PID1: variants seen among roughly 807,000 people sequenced by gnomAD.
PID1 encodes the protein PTB-containing, cubilin and LRP1-interacting protein.
PID1 carries 10 observed loss-of-function variants against 19.1 expected under a neutral mutation model. The ratio of observed to expected loss-of-function variants is 0.52; its 90% CI spans 0.32 to 0.89. The LOEUF is 0.89. PID1 is among the 40% of genes least tolerant of loss of function. The pLI, the probability that PID1 is intolerant of heterozygous loss-of-function variation, is 0.03. For missense variants in PID1, 248 were observed against 285.3 expected, an observed-to-expected ratio of 0.87 and a Z score of 0.94; for synonymous variants, 130 against 116.0, an observed-to-expected ratio of 1.12 and a Z score of -0.78.
chr2:229,199,465 C>A (rs2106238810), intron 1 of PID1, among the ~76,000 whole-genome samples: 1 of 152,088 alleles, frequency 6.6e-6, no homozygotes, highest in East Asian at 1.9e-4. Flanking sequence ...GTACCTAGAG[C>A]AGTATCTGGC....
chr2:229,242,142 G>A (rs2106276951), intron 1 of PID1, among the ~76,000 whole-genome samples: 1 of 152,256 alleles, frequency 6.6e-6, no homozygotes, highest in South Asian at 2.1e-4. Context: ...AAGTAGCTGA[G>A]ATTACAGGTG....
At position 229,221,744 on chromosome 2, in the gene PID1, C is replaced by T. The variant is rs143880651; in HGVS notation, c.30+49270G>A. Among the ~76,000 whole-genome samples, 4 of 152,336 alleles carry T rather than the reference C, an allele frequency of 2.6e-5. No homozygotes were observed. The East Asian group carries it at 7.7e-4, about 29-fold the overall frequency. ...TTCCAACTGTCTCTTGGAAGAAACA[C>T]AGGATGCCTCTTGATGACCTGACTC... On this transcript the variant is annotated intron_variant, in intron 1 of 2. Coordinates refer to ENST00000392055, the MANE Select transcript of PID1 (RefSeq NM_001100818.2).
chr2:229,183,540 A>G (rs971524570), intron 1 of PID1, among the ~76,000 whole-genome samples: 1 of 152,136 alleles, frequency 6.6e-6, no homozygotes, highest in Non-Finnish European at 1.5e-5. Flanking sequence ...CAATTAGTTG[A>G]AGGCCTAAAT....
intron 2 of PID1, among the ~76,000 whole-genome samples, chr2:229,115,041 C>G (rs987847249): frequency 1.3e-5 from 2 of 152,026 alleles, no homozygotes; most frequent in Admixed American, 6.5e-5. Flanking sequence ...AATAGAATAC[C>G]TGAAATTCAT....
At chr2:229,157,326 A>T (rs1466985945) in intron 1 of PID1, among the ~76,000 whole-genome samples, 1 of 152,046 alleles carries the variant, frequency 6.6e-6, no homozygotes, top group Non-Finnish European at 1.5e-5. Flanking sequence ...GCTACTTGGG[A>T]AGCTGAGGCA....
chr2:229,204,222 T>C (rs980759146), intron 1 of PID1, among the ~76,000 whole-genome samples: 1 of 152,040 alleles, frequency 6.6e-6, no homozygotes, highest in African/African-American at 2.4e-5. Flanking sequence ...GGGAGGAAAC[T>C]ATAGTTTATA....
intron 1 of PID1, among the ~76,000 whole-genome samples, chr2:229,240,249 A>G (rs1014074875): frequency 2.0e-5 from 3 of 152,178 alleles, no homozygotes; most frequent in Non-Finnish European, 2.9e-5. Context: ...TAGTATTTCC[A>G]GACGTGTTTT....
At chr2:229,237,903 A>T (rs1689756952) in intron 1 of PID1, among the ~76,000 whole-genome samples, 1 of 152,308 alleles carries the variant, frequency 6.6e-6, no homozygotes, top group East Asian at 1.9e-4. Flanking sequence ...ACAGACACAT[A>T]ACAAAATTAA....
chr2:229,199,741 T>C (rs1336264293), intron 1 of PID1, among the ~76,000 whole-genome samples: 4 of 134,116 alleles, frequency 3.0e-5, no homozygotes, highest in African/African-American at 8.2e-5. Flanking sequence ...TATATATATA[T>C]ATATACACAT....
At chr2:229,161,136 G>C (rs979291882) in intron 1 of PID1, among the ~76,000 whole-genome samples, 1 of 152,196 alleles carries the variant, frequency 6.6e-6, no homozygotes, top group Non-Finnish European at 1.5e-5. Flanking sequence ...CATTGGTTCA[G>C]AGGAAACTCA....
At chr2:229,250,094 A>T (rs949578970) in intron 1 of PID1, among the ~76,000 whole-genome samples, 3 of 152,220 alleles carry the variant, frequency 2.0e-5, no homozygotes, top group Non-Finnish European at 4.4e-5. Context: ...CTAATCACTG[A>T]TATTTGAGTT....
intron 1 of PID1, among the ~76,000 whole-genome samples, chr2:229,166,486 C>G (rs1289524628): frequency 6.6e-6 from 1 of 152,074 alleles, no homozygotes; most frequent in African/African-American, 2.4e-5. Flanking sequence ...AGTAATATGG[C>G]CCTTTAATTC....
chr2:229,050,524 G>A (rs1156443643), intron 2 of PID1, among the ~76,000 whole-genome samples: 1 of 152,180 alleles, frequency 6.6e-6, no homozygotes, highest in Non-Finnish European at 1.5e-5. Context: ...CTTCCCAAAT[G>A]TTTACATGAT....
At chr2:229,045,549 G>A (rs1326314) in intron 2 of PID1, among the ~76,000 whole-genome samples, 81,207 of 151,372 alleles carry the variant, frequency 0.54, 22,859 homozygotes, top group African/African-American at 0.71. Flanking sequence ...TCAGGGCTCT[G>A]CTATCACAGG....
chr2:229,221,177 C>T (rs1015145421), intron 1 of PID1, among the ~76,000 whole-genome samples: 3 of 152,124 alleles, frequency 2.0e-5, no homozygotes, highest in Admixed American at 2.0e-4. Context: ...CCAAGACTTT[C>T]CTAATTTGGG....
At chr2:229,067,153 A>C (rs955601041) in intron 2 of PID1, among the ~76,000 whole-genome samples, 2 of 152,132 alleles carry the variant, frequency 1.3e-5, no homozygotes, top group Admixed American at 1.3e-4. Context: ...AAATCCCCTT[A>C]CAAAACCATT....
At chr2:229,087,034 A>G (rs1694781874) in intron 2 of PID1, among the ~76,000 whole-genome samples, 1 of 152,192 alleles carries the variant, frequency 6.6e-6, no homozygotes, top group Non-Finnish European at 1.5e-5. Flanking sequence ...TGGAAATAAC[A>G]TCAGATTAAG....
chr2:229,046,546 T>G (rs1693886172), intron 2 of PID1, among the ~76,000 whole-genome samples: 1 of 152,026 alleles, frequency 6.6e-6, no homozygotes. Context: ...AAGTTCTTTC[T>G]TAGTTTACCT....
chr2:229,226,294 C>T (rs768862568), intron 1 of PID1, among the ~76,000 whole-genome samples: 1 of 152,170 alleles, frequency 6.6e-6, no homozygotes, highest in Non-Finnish European at 1.5e-5. Flanking sequence ...CTCACACTTC[C>T]CAACTTTCCA....
Sources: gnomAD v4.1 joint callset for allele counts (sites outside exome capture counted in the v4.1 genomes callset) on GRCh38, gnomAD v4.1.1 for gene constraint, MANE v1.5 for transcripts, NCBI Gene and HGNC (gene_info 2026-07-23, HGNC 2026-07-21) for gene names.